The following RBMS1 variants were observed in gnomAD, a reference collection of about 807,000 sequenced individuals.
RBMS1 encodes the protein RNA-binding motif, single-stranded-interacting protein 1.
RBMS1 carries 17 observed loss-of-function variants against 62.3 expected under a neutral mutation model. That is an observed-to-expected ratio of 0.27 (90% confidence interval 0.19 to 0.41). RBMS1 has a LOEUF of 0.41. Among genes scored for constraint, RBMS1 ranks in the 10% least tolerant of loss-of-function variants. The pLI, the probability that RBMS1 is intolerant of heterozygous loss-of-function variation, is 1.00. For synonymous variants in RBMS1, 172 were observed against 170.0 expected (o/e 1.01, Z -0.09); for missense variants, 334 against 504.5 (o/e 0.66, Z 3.24).
intron 1 of RBMS1, chr2:160,407,549 G>C (rs897192551): frequency 6.1e-6 from 6 of 985,228 alleles, no homozygotes; most frequent in Non-Finnish European, 7.2e-6. Context: ...GGGCGGCGGC[G>C]GCGGGTGCGG....
At chr2:160,394,100 C>CAA (rs1695010546) in intron 1 of RBMS1, among the ~76,000 whole-genome samples, 1 of 152,232 alleles carries the variant, frequency 6.6e-6, no homozygotes, top group African/African-American at 2.4e-5. Flanking sequence ...GGGAGACCGA[C>CAA]AGACTTCCAC....
intron 2 of RBMS1, among the ~76,000 whole-genome samples, chr2:160,354,042 T>C (rs987339846): frequency 6.6e-6 from 1 of 152,122 alleles, no homozygotes; most frequent in Admixed American, 6.6e-5. Flanking sequence ...TGCTCTTTAG[T>C]ATAAGTGCCT....
At chr2:160,275,185 A>G (rs1054982249) in intron 13 of RBMS1, among the ~76,000 whole-genome samples, 11 of 152,212 alleles carry the variant, frequency 7.2e-5, no homozygotes, top group African/African-American at 2.7e-4. Context: ...AGAGTTGGGA[A>G]TATAATCTTT....
chr2:160,332,907 T>C (rs59067084), intron 2 of RBMS1, among the ~76,000 whole-genome samples: 3,759 of 150,538 alleles, frequency 0.025, 184 homozygotes, highest in African/African-American at 0.087. Flanking sequence ...AAACATACTT[T>C]ATATGTGTAT....
At chr2:160,487,069 AAGG>A (rs1685628545) in intron 1 of RBMS1, among the ~76,000 whole-genome samples, 2 of 152,240 alleles carry the variant, frequency 1.3e-5, no homozygotes, top group Non-Finnish European at 2.9e-5. Context: ...ATGAAACTTT[AAGG>A]AGAAGTTAAC....
At chr2:160,392,728 C>T (rs769106568) in intron 1 of RBMS1, among the ~76,000 whole-genome samples, 2 of 152,032 alleles carry the variant, frequency 1.3e-5, no homozygotes, top group Non-Finnish European at 2.9e-5. Context: ...CTTATCTCTA[C>T]AAAAAATTAA....
At chr2:160,293,318 C>G (rs1688773841) in intron 6 of RBMS1, among the ~76,000 whole-genome samples, 1 of 152,122 alleles carries the variant, frequency 6.6e-6, no homozygotes, top group African/African-American at 2.4e-5. Context: ...ACTATACACA[C>G]AGAGTTATGA....
At chr2:160,411,211 C>T (rs891434560) in intron 1 of RBMS1, among the ~76,000 whole-genome samples, 4 of 152,160 alleles carry the variant, frequency 2.6e-5, no homozygotes, top group African/African-American at 9.7e-5. Context: ...TGAGCAGGAC[C>T]AATCCAATTC....
At chr2:160,311,216 C>CTACCTATA (rs1689843381) in intron 4 of RBMS1, among the ~76,000 whole-genome samples, 1 of 31,564 alleles carries the variant, frequency 3.2e-5, no homozygotes, top group Non-Finnish European at 7.2e-5. Context: ...AAAAATCTAT[C>CTACCTATA]TATCTATCTA....
chr2:160,395,021 C>A (rs897085167), intron 1 of RBMS1, among the ~76,000 whole-genome samples: 2 of 152,162 alleles, frequency 1.3e-5, no homozygotes, highest in African/African-American at 4.8e-5. Context: ...TAAGTGGTTC[C>A]CAAACTGTTC....
At chr2:160,285,081 G>T in intron 7 of RBMS1, 37 bp from the exon 8 acceptor site, 1 of 1,582,940 alleles carries the variant, frequency 6.3e-7, no homozygotes, top group Non-Finnish European at 8.7e-7. Flanking sequence ...CATTCATCTA[G>T]AAAGGCATGA....
intron 1 of RBMS1, among the ~76,000 whole-genome samples, chr2:160,454,772 G>A (rs1213211050): frequency 2.6e-5 from 4 of 152,164 alleles, no homozygotes; most frequent in African/African-American, 9.7e-5. Flanking sequence ...AGGTAGTGGG[G>A]GTGGGGCTGG....
intron 2 of RBMS1, among the ~76,000 whole-genome samples, chr2:160,338,993 G>A (rs1414358529): frequency 6.6e-6 from 1 of 152,154 alleles, no homozygotes; most frequent in Non-Finnish European, 1.5e-5. Context: ...AGAACACTGA[G>A]GCCAGGAAGC....
At chr2:160,312,193 T>C (rs779911486) in intron 4 of RBMS1, among the ~76,000 whole-genome samples, 1 of 152,182 alleles carries the variant, frequency 6.6e-6, no homozygotes, top group Non-Finnish European at 1.5e-5. Context: ...TTCAAGGCCA[T>C]CAAGTCTATC....
In RBMS1 at chr2:160,462,748, C is replaced by T. The variant is rs542438115; in HGVS notation, c.75+30541G>A. ...CTCAGCCTCCCGAGTAGCTGGGCAC[C>T]CCCATGCCCAGCTAATTTTTGTATT... is the stretch of plus-strand genomic sequence containing the variant. On this transcript the variant is annotated intron_variant, in intron 1 of 13. Coordinates refer to ENST00000348849, the MANE Select transcript of RBMS1 (RefSeq NM_016836.4). Among the ~76,000 whole-genome samples, 22 of 152,086 alleles carry T rather than the reference C, an allele frequency of 1.4e-4. No homozygotes were observed. In the East Asian group the frequency reaches 3.9e-3, roughly 27 times the overall value.
At chr2:160,338,422 G>A (rs545680343) in intron 2 of RBMS1, among the ~76,000 whole-genome samples, 1 of 152,200 alleles carries the variant, frequency 6.6e-6, no homozygotes, top group East Asian at 1.9e-4. Flanking sequence ...AGTGACGAGA[G>A]ACTATAGAGT....
At chr2:160,462,032 A>AG (rs200300328) in intron 1 of RBMS1, among the ~76,000 whole-genome samples, 4,665 of 152,304 alleles carry the variant, frequency 0.031, 219 homozygotes, top group African/African-American at 0.1. Flanking sequence ...AGCCCTGAAC[A>AG]ACAGACAGCA....
At chr2:160,449,807 C>A (rs574124121) in intron 1 of RBMS1, among the ~76,000 whole-genome samples, 1 of 147,612 alleles carries the variant, frequency 6.8e-6, no homozygotes, top group African/African-American at 2.5e-5. Context: ...CTGAGAAACA[C>A]CCAAGAACGA....
intron 2 of RBMS1, among the ~76,000 whole-genome samples, chr2:160,348,031 A>G (rs897829261): frequency 2.0e-5 from 3 of 152,060 alleles, no homozygotes; most frequent in African/African-American, 7.2e-5. Context: ...AGAACAGAAC[A>G]ATGGCCTGCA....
Sources: allele counts gnomAD v4.1 joint callset (sites outside exome capture counted in the v4.1 genomes callset), GRCh38; gene constraint gnomAD v4.1.1; transcripts MANE v1.5; gene names NCBI Gene and HGNC (gene_info 2026-07-23, HGNC 2026-07-21).